The following AMPH variants were observed in gnomAD, a reference collection of about 807,000 sequenced individuals.
The protein encoded by AMPH is amphiphysin, also known as amphiphysin (Stiff-Mann syndrome with breast cancer 128kD autoantigen).
AMPH carries 49 observed loss-of-function variants against 99.1 expected under a neutral mutation model. The ratio of observed to expected loss-of-function variants is 0.49; its 90% CI spans 0.39 to 0.63. The LOEUF (loss-of-function observed/expected upper bound fraction) is 0.63. Among genes scored for constraint, AMPH ranks in the 20% least tolerant of loss-of-function variants. The pLI is 0.00. For missense variants in AMPH, 759 were observed against 863.4 expected, an observed-to-expected ratio of 0.88 and a Z score of 1.52; for synonymous variants, 314 against 317.3, an observed-to-expected ratio of 0.99 and a Z score of 0.11.
intron 20 of AMPH, among the ~76,000 whole-genome samples, 184 bp from the exon 21 acceptor site, chr7:38,385,109 AAAAG>A (rs886485727): frequency 1.6e-4 from 24 of 152,154 alleles, no homozygotes; most frequent in Admixed American, 3.9e-4. Context: ...GTTAAAAAAA[AAAAG>A]AAAAAGAAAA....
chr7:38,483,668 T>C (rs1170110843), intron 5 of AMPH, among the ~76,000 whole-genome samples: 1 of 152,166 alleles, frequency 6.6e-6, no homozygotes, highest in Non-Finnish European at 1.5e-5. Flanking sequence ...GTGAAGGTCT[T>C]CTCCTATATG....
intron 2 of AMPH, among the ~76,000 whole-genome samples, chr7:38,510,361 A>G (rs1789491711): frequency 6.6e-6 from 1 of 152,244 alleles, no homozygotes; most frequent in South Asian, 2.1e-4. Context: ...CTATGTCCCA[A>G]AACAGTCACA....
intron 1 of AMPH, among the ~76,000 whole-genome samples, chr7:38,555,698 T>C (rs1791337761): frequency 6.6e-6 from 1 of 152,188 alleles, no homozygotes; most frequent in African/African-American, 2.4e-5. Context: ...ATAAGAAAAT[T>C]ATAAAAATTA....
intron 1 of AMPH, among the ~76,000 whole-genome samples, chr7:38,596,748 A>G (rs561410720): frequency 6.6e-6 from 1 of 152,294 alleles, no homozygotes; most frequent in African/African-American, 2.4e-5. Flanking sequence ...GCCCACTCCC[A>G]CATGACAAAT....
intron 2 of AMPH, among the ~76,000 whole-genome samples, chr7:38,508,060 C>T (rs938023433): frequency 2.6e-5 from 4 of 152,186 alleles, no homozygotes; most frequent in Non-Finnish European, 5.9e-5. Flanking sequence ...ACCTTTAACT[C>T]AGTTATTTCT....
In AMPH at chr7:38,384,813, T is replaced by C. The variant is rs187383620; in HGVS notation, c.*5A>G. The C allele has an allele frequency of 5.8e-5, 94 of 1,612,960 alleles. No homozygotes were observed. The highest frequency in any genetic ancestry group is 7.7e-5 in the Non-Finnish European group (91 of 1,179,002). On this transcript the variant is annotated 3_prime_UTR_variant, in exon 21 of 21. Transcript: ENST00000356264. ...ACTGAGCTCCTTCTTGCAGTACTTG[T>C]TGCCCTAATCTAAGCGTCGGGTGAA...
intron 2 of AMPH, among the ~76,000 whole-genome samples, chr7:38,507,716 C>T (rs1789381764): frequency 2.0e-5 from 3 of 152,078 alleles, no homozygotes. Context: ...AGTTCTACAC[C>T]CTTGAGATTA....
rs958045033 is a variant in AMPH at position 38,518,907 on chromosome 7, A to T, written c.151-15203T>A. ...CATCCCTGCCAAAACTCATCTTGAA[A>T]TTTAATTACCATTGCAACAGTGTTG... On this transcript the variant is annotated intron_variant, in intron 2 of 20. Coordinates refer to ENST00000356264, the MANE Select transcript of AMPH (RefSeq NM_001635.4). Among the ~76,000 whole-genome samples, 8 of 152,230 alleles carry T rather than the reference A, an allele frequency of 5.3e-5. 1 individual carries two copies. The highest frequency in any genetic ancestry group is 1.9e-4 in the African/African-American group (8 of 41,464).
intron 11 of AMPH, among the ~76,000 whole-genome samples, chr7:38,440,157 A>G (rs1584093961): frequency 6.6e-6 from 1 of 152,316 alleles, no homozygotes; most frequent in East Asian, 1.9e-4. Context: ...AATCAGTGTT[A>G]AAGATAAATT....
At chr7:38,456,926 T>C (rs1787257943) in intron 11 of AMPH, among the ~76,000 whole-genome samples, 2 of 152,160 alleles carry the variant, frequency 1.3e-5, no homozygotes, top group African/African-American at 4.8e-5. Flanking sequence ...AGCAAAACTT[T>C]ACCCTGGCCC....
chr7:38,593,963 G>A (rs73694933), intron 1 of AMPH, among the ~76,000 whole-genome samples: 14,925 of 152,208 alleles, frequency 0.098, 997 homozygotes, highest in East Asian at 0.21. Flanking sequence ...AGGACATGGC[G>A]AGAGCGGTGG....
At chr7:38,536,397 T>C (rs1291891091) in intron 1 of AMPH, among the ~76,000 whole-genome samples, 1 of 152,214 alleles carries the variant, frequency 6.6e-6, no homozygotes, top group Non-Finnish European at 1.5e-5. Flanking sequence ...TATTAATAAA[T>C]AAACCTAAGT....
chr7:38,610,234 CAAAAAAAAAAAAAA>C lies in AMPH; in HGVS notation c.69+21035_69+21048del, dbSNP rs544036143. 5.1e-3 allele frequency among the ~76,000 whole-genome samples: 31 copies of C among 6,126 alleles called. 1 individual carries two copies. The highest frequency in any genetic ancestry group is 0.031 in the South Asian group (3 of 98). 4.0% of individuals were successfully genotyped at this position (6,126 alleles called of 152,430 possible). A position where few individuals can be genotyped will look rare whatever the true frequency, so the allele number is the denominator to read the frequency against. Reference sequence around the variant, plus strand: ...CCGGGCAACAAAAGCTAAGCTCTCTCAAAAAAAAAAAAAAAAAAAAAAAAAAAAAGAAAGAAAGA... The same window carrying C: ...CCGGGCAACAAAAGCTAAGCTCTCTCAAAAAAAAAAAAAAAGAAAGAAAGA... On this transcript the variant is annotated intron_variant, in intron 1 of 20. Transcript: ENST00000356264.
intron 6 of AMPH, among the ~76,000 whole-genome samples, chr7:38,476,175 AAGTTG>A (rs1184086979): frequency 6.6e-6 from 1 of 152,216 alleles, no homozygotes; most frequent in East Asian, 1.9e-4. Context: ...GGAGACTTGA[AAGTTG>A]ATCAGGATGG....
chr7:38,451,804 A>C (rs1361100181), intron 11 of AMPH, among the ~76,000 whole-genome samples: 2 of 152,166 alleles, frequency 1.3e-5, no homozygotes, highest in Non-Finnish European at 2.9e-5. Context: ...ACAAACACAC[A>C]AAGAGGAAGG....
At chr7:38,441,812 TATATATC>T (rs1483860813) in intron 11 of AMPH, among the ~76,000 whole-genome samples, 3 of 105,670 alleles carry the variant, frequency 2.8e-5, no homozygotes, top group African/African-American at 1.1e-4. Context: ...ATATATATCA[TATATATC>T]ATATATCATA....
At chr7:38,488,461 G>A (rs1174809266) in intron 5 of AMPH, among the ~76,000 whole-genome samples, 2 of 151,344 alleles carry the variant, frequency 1.3e-5, no homozygotes, top group African/African-American at 4.9e-5. Context: ...ACTCATAAGT[G>A]GGGGCTGAAC....
At chr7:38,413,513 A>G (rs1785273371) in intron 17 of AMPH, among the ~76,000 whole-genome samples, 1 of 152,182 alleles carries the variant, frequency 6.6e-6, no homozygotes, top group Non-Finnish European at 1.5e-5. Flanking sequence ...TGGATTATGC[A>G]CTCTGCTGTG....
intron 1 of AMPH, among the ~76,000 whole-genome samples, chr7:38,578,087 T>TTA (rs1179762962): frequency 1.3e-5 from 2 of 152,160 alleles, no homozygotes; most frequent in Non-Finnish European, 2.9e-5. Context: ...TGCCACACAC[T>TTA]TATAGGTGAT....
Sources: allele counts gnomAD v4.1 joint callset (sites outside exome capture counted in the v4.1 genomes callset), GRCh38; gene constraint gnomAD v4.1.1; transcripts MANE v1.5; gene names NCBI Gene and HGNC (gene_info 2026-07-23, HGNC 2026-07-21).